The following EXOC4 variants were observed in gnomAD, a reference collection of about 807,000 sequenced individuals.
EXOC4 encodes the protein SEC8-like 1.
In EXOC4, 71 loss-of-function variants were observed where a neutral mutation model predicts 107.2. That is an observed-to-expected ratio of 0.66 (90% CI 0.55 to 0.81). The LOEUF is 0.81. Ranked by LOEUF, EXOC4 falls within the 30% of genes least tolerant of loss-of-function variation. The pLI is 0.00. For synonymous variants in EXOC4, 456 were observed against 441.2 expected (o/e 1.03, Z -0.42); for missense variants, 1,108 against 1,189.6 (o/e 0.93, Z 1.01).
chr7:133,850,700 G>A (rs1303508057), intron 11 of EXOC4, among the ~76,000 whole-genome samples: 4 of 150,572 alleles, frequency 2.7e-5, no homozygotes, highest in African/African-American at 7.3e-5. Flanking sequence ...ATGGTCATCC[G>A]GCCTCTGCTG....
chr7:133,542,169 T>TGTGTG (rs112053491), intron 9 of EXOC4, among the ~76,000 whole-genome samples: 43 of 147,058 alleles, frequency 2.9e-4, no homozygotes, highest in Non-Finnish European at 5.2e-4. Context: ...AAATTTTATC[T>TGTGTG]TGTGTGTGTG....
At chr7:133,975,282 G>A (rs1483926196) in intron 14 of EXOC4, among the ~76,000 whole-genome samples, 1 of 152,158 alleles carries the variant, frequency 6.6e-6, no homozygotes, top group East Asian at 1.9e-4. Flanking sequence ...TATGGGGATA[G>A]TAGGGATGGT....
At chr7:133,298,222 A>T (rs1469270849) in intron 3 of EXOC4, among the ~76,000 whole-genome samples, 1 of 152,204 alleles carries the variant, frequency 6.6e-6, no homozygotes, top group Admixed American at 6.5e-5. Context: ...TTCCTCTATC[A>T]TTCCTTTGTG....
chr7:133,669,925 C>T (rs560233767), intron 10 of EXOC4, among the ~76,000 whole-genome samples: 2 of 152,106 alleles, frequency 1.3e-5, no homozygotes, highest in Non-Finnish European at 2.9e-5. Flanking sequence ...CCTAATCTGG[C>T]ATTGTAGCTG....
chr7:133,799,818 C>G, intron 10 of EXOC4, among the ~76,000 whole-genome samples: 1 of 152,062 alleles, frequency 6.6e-6, no homozygotes, highest in Non-Finnish European at 1.5e-5. Flanking sequence ...AGTTATAATC[C>G]AGAAGAAGGT....
rs141227227 is a variant in EXOC4, at chr7:133,773,464, T to TTTATTATTA, written c.1515-43840_1515-43832dup. Among the ~76,000 whole-genome samples the TTTATTATTA allele has an allele frequency of 7.1e-4, 106 of 149,294 alleles. 1 individual carries two copies. The highest frequency in any genetic ancestry group is 2.1e-3 in the African/African-American group (84 of 40,460). On this transcript the variant is annotated intron_variant, in intron 10 of 17. Coordinates refer to ENST00000253861, the MANE Select transcript of EXOC4 (RefSeq NM_021807.4). Reference sequence around the variant, plus strand: ...TGTTAATCTGTGTATTTACTAGGTTTTTATTATTATTATTATTATTATTAT... The same window carrying TTTATTATTA: ...TGTTAATCTGTGTATTTACTAGGTTTTTATTATTATTATTATTATTATTATTATTATTAT...
intron 14 of EXOC4, among the ~76,000 whole-genome samples, chr7:133,963,793 T>C (rs1319149591): frequency 6.6e-6 from 1 of 152,208 alleles, no homozygotes; most frequent in East Asian, 1.9e-4. Context: ...GCATGGGGCA[T>C]TCATCACTGA....
chr7:133,636,253 A>G (rs1290868677), intron 10 of EXOC4, among the ~76,000 whole-genome samples: 2 of 152,146 alleles, frequency 1.3e-5, no homozygotes, highest in Non-Finnish European at 2.9e-5. Context: ...TTTACTCTTT[A>G]AGAGACAACG....
chr7:133,636,348 T>G (rs1303375930), intron 10 of EXOC4, among the ~76,000 whole-genome samples: 1 of 152,204 alleles, frequency 6.6e-6, no homozygotes, highest in Admixed American at 6.5e-5. Flanking sequence ...CTGTTAAGTT[T>G]TGTGATTCTG....
At position 133,895,647 on chromosome 7, in the gene EXOC4, C is replaced by G. The variant is rs775480288; in HGVS notation, c.1783C>G (p.His595Asp). The G allele has an allele frequency of 6.2e-7, 1 of 1,613,876 alleles. No homozygotes were observed. Among genetic ancestry groups the G allele is most frequent in the Non-Finnish European group, 8.5e-7 (1 of 1,179,868 alleles). Residue 595 changes from histidine to aspartate, a missense_variant, in exon 12 of 18, where the codon CAT becomes GAT. Coordinates refer to ENST00000253861, the MANE Select transcript of EXOC4 (RefSeq NM_021807.4). ...KTVQDLLNLM[H>D]DLSAYSDQFL... ...AGTTCAAGACCTCCTGAACCTGATG[C>G]ATGACTTGAGTGCATATTCAGATCA...
At chr7:134,039,520 A>C (rs1795466009) in intron 17 of EXOC4, among the ~76,000 whole-genome samples, 1 of 152,210 alleles carries the variant, frequency 6.6e-6, no homozygotes, top group Non-Finnish European at 1.5e-5. Flanking sequence ...GCAATCACAC[A>C]TACTAATGCT....
intron 5 of EXOC4, among the ~76,000 whole-genome samples, chr7:133,331,192 A>T (rs1196686260): frequency 2.0e-5 from 3 of 152,114 alleles, no homozygotes; most frequent in Non-Finnish European, 4.4e-5. Context: ...GCTTTCCTAC[A>T]TATTAATGAA....
At chr7:133,922,181 G>C (rs932672549) in intron 13 of EXOC4, among the ~76,000 whole-genome samples, 1 of 152,032 alleles carries the variant, frequency 6.6e-6, no homozygotes, top group Admixed American at 6.5e-5. Flanking sequence ...ATATGAGAAT[G>C]TGCACATATC....
chr7:133,744,266 A>G (rs889894597), intron 10 of EXOC4, among the ~76,000 whole-genome samples: 2 of 152,158 alleles, frequency 1.3e-5, no homozygotes, highest in Admixed American at 6.5e-5. Flanking sequence ...TCTTAGGTAC[A>G]GGAAATATAG....
chr7:133,964,668 TTA>T (rs1220560342), intron 14 of EXOC4, among the ~76,000 whole-genome samples: 1 of 152,236 alleles, frequency 6.6e-6, no homozygotes, highest in African/African-American at 2.4e-5. Flanking sequence ...TCATCCTTTT[TTA>T]TGTCTGTGTA....
chr7:133,275,185 C>G lies in EXOC4; in HGVS notation c.276+14C>G, dbSNP rs1471897340. The G allele has an allele frequency of 3.2e-6, 5 of 1,572,800 alleles. No individual in the cohort carries two copies. In the Admixed American group the frequency reaches 7.0e-5, roughly 22 times the overall value. ...AAAATAAAGCAGGTATTCCTCCTTTCTGGTCTGATGGTGGCAGCACTTCCC... is the reference window on the plus strand; with the variant it reads ...AAAATAAAGCAGGTATTCCTCCTTTGTGGTCTGATGGTGGCAGCACTTCCC... On this transcript the variant is annotated intron_variant, in intron 2 of 17. Transcript: ENST00000253861.
chr7:134,099,916 A>C, the EXOC4 span, among the ~76,000 whole-genome samples: 1 of 152,000 alleles, frequency 6.6e-6, no homozygotes, highest in South Asian at 2.1e-4. Context: ...CATGTTGGCC[A>C]GGCTGGTCTC....
At chr7:133,442,857 G>A (rs778323500) in intron 7 of EXOC4, among the ~76,000 whole-genome samples, 3 of 152,194 alleles carry the variant, frequency 2.0e-5, no homozygotes, top group Non-Finnish European at 2.9e-5. Flanking sequence ...TTGTAATAAA[G>A]AGAAGATGAA....
intron 11 of EXOC4, among the ~76,000 whole-genome samples, chr7:133,873,079 G>A (rs562998035): frequency 6.6e-6 from 1 of 152,314 alleles, no homozygotes; most frequent in East Asian, 1.9e-4. Flanking sequence ...GAGGGCCCAG[G>A]TATGAGGATT....
Sources: allele counts gnomAD v4.1 joint callset (sites outside exome capture counted in the v4.1 genomes callset), GRCh38; gene constraint gnomAD v4.1.1; transcripts MANE v1.5; gene names NCBI Gene and HGNC (gene_info 2026-07-23, HGNC 2026-07-21).